The following ATP8B4 variants were observed in gnomAD, a reference collection of about 807,000 sequenced individuals.
The protein encoded by ATP8B4 is probable phospholipid-transporting ATPase IM.
ATP8B4 carries 133 observed loss-of-function variants against 145.6 expected under a neutral mutation model. The ratio of observed to expected loss-of-function variants is 0.91; its 90% CI spans 0.79 to 1.05. ATP8B4 has a LOEUF of 1.05. Ranked by LOEUF, ATP8B4 falls within the 50% of genes least tolerant of loss-of-function variation. The probability of loss-of-function intolerance (pLI) is 0.00; values close to 1 mark genes in which losing one functional copy is unlikely to be tolerated. For synonymous variants in ATP8B4, 507 were observed against 492.9 expected (o/e 1.03, Z -0.38); for missense variants, 1,458 against 1,425.2 (o/e 1.02, Z -0.37).
At chr15:50,037,138 T>A (rs974031417) in intron 6 of ATP8B4, among the ~76,000 whole-genome samples, 31 of 152,218 alleles carry the variant, frequency 2.0e-4, no homozygotes, top group Non-Finnish European at 4.4e-4. Context: ...GTATTTTGAC[T>A]GGTAATTTGA....
At chr15:49,890,873 G>C (rs2036712962) in intron 23 of ATP8B4, among the ~76,000 whole-genome samples, 2 of 152,214 alleles carry the variant, frequency 1.3e-5, no homozygotes, top group African/African-American at 4.8e-5. Flanking sequence ...CCCATGTGGG[G>C]TGTGGCTGGG....
At chr15:50,165,383 G>A (rs1300159573) in intron 1 of ATP8B4, among the ~76,000 whole-genome samples, 1 of 152,108 alleles carries the variant, frequency 6.6e-6, no homozygotes, top group Non-Finnish European at 1.5e-5. Context: ...TTAAAACACA[G>A]TGAGGTACTG....
intron 12 of ATP8B4, among the ~76,000 whole-genome samples, chr15:49,974,176 T>C (rs991487064): frequency 3.4e-5 from 5 of 148,940 alleles, no homozygotes; most frequent in African/African-American, 2.5e-5. Context: ...TCCGCCTCCC[T>C]GGTTCAAGCA....
intron 6 of ATP8B4, among the ~76,000 whole-genome samples, chr15:50,021,020 C>A (rs981027984): frequency 7.2e-5 from 11 of 151,858 alleles, no homozygotes; most frequent in African/African-American, 2.7e-4. Flanking sequence ...ACAAGAATAG[C>A]AAGTTGCTGC....
chr15:50,161,286 C>T (rs1483406609), intron 1 of ATP8B4, among the ~76,000 whole-genome samples: 1 of 151,984 alleles, frequency 6.6e-6, no homozygotes, highest in Non-Finnish European at 1.5e-5. Flanking sequence ...TTCTTGTAAG[C>T]AATAGATCAT....
chr15:50,013,470 A>G (rs1390568197), intron 6 of ATP8B4, among the ~76,000 whole-genome samples: 2 of 152,178 alleles, frequency 1.3e-5, no homozygotes, highest in African/African-American at 2.4e-5. Flanking sequence ...AAGTTATAAG[A>G]TTTTAAAATG....
At chr15:50,167,017 C>T (rs982158660) in intron 1 of ATP8B4, among the ~76,000 whole-genome samples, 4 of 152,152 alleles carry the variant, frequency 2.6e-5, no homozygotes, top group Non-Finnish European at 4.4e-5. Context: ...ATTCCCAGAT[C>T]ACAATTTTAC....
At chr15:50,181,585 C>T (rs1183358713) in intron 1 of ATP8B4, among the ~76,000 whole-genome samples, 1 of 152,210 alleles carries the variant, frequency 6.6e-6, no homozygotes, top group Non-Finnish European at 1.5e-5. Flanking sequence ...CAGGACTCCC[C>T]CGACCAGGCA....
chr15:49,928,701 G>A (rs969005345), intron 16 of ATP8B4, among the ~76,000 whole-genome samples: 4 of 151,966 alleles, frequency 2.6e-5, no homozygotes, highest in Non-Finnish European at 5.9e-5. Context: ...AGGGTACTGG[G>A]AATTAGGAAA....
At chr15:49,919,808 G>A (rs1304369063) in intron 18 of ATP8B4, among the ~76,000 whole-genome samples, 2 of 152,146 alleles carry the variant, frequency 1.3e-5, no homozygotes, top group Non-Finnish European at 2.9e-5. Context: ...AGGTAAGAGT[G>A]GTTTTTAGAA....
chr15:49,986,301 T>A (rs2046592362), intron 10 of ATP8B4, among the ~76,000 whole-genome samples: 1 of 152,156 alleles, frequency 6.6e-6, no homozygotes, highest in South Asian at 2.1e-4. Flanking sequence ...GTATTTCCCA[T>A]CAGAAGACCA....
chr15:49,904,249 C>T (rs1839047175), intron 20 of ATP8B4, among the ~76,000 whole-genome samples: 1 of 152,164 alleles, frequency 6.6e-6, no homozygotes, highest in Admixed American at 6.5e-5. Flanking sequence ...ACCCTGCCAA[C>T]AGTAGAGAAA....
intron 3 of ATP8B4, among the ~76,000 whole-genome samples, chr15:50,055,676 G>A (rs1344142276): frequency 6.6e-6 from 1 of 152,066 alleles, no homozygotes; most frequent in Non-Finnish European, 1.5e-5. Context: ...GTATTTTTAT[G>A]GTACAATCCA....
At chr15:50,162,113 C>T (rs1345373613) in intron 1 of ATP8B4, among the ~76,000 whole-genome samples, 1 of 152,028 alleles carries the variant, frequency 6.6e-6, no homozygotes, top group African/African-American at 2.4e-5. Flanking sequence ...TATAAAGTTT[C>T]CACTGAAAAG....
chr15:49,894,384 T>TAG (rs1161885529), intron 23 of ATP8B4, among the ~76,000 whole-genome samples: 1 of 152,052 alleles, frequency 6.6e-6, no homozygotes, highest in Non-Finnish European at 1.5e-5. Context: ...CGGGGCAAAG[T>TAG]AGAGAGCAGT....
intron 13 of ATP8B4, among the ~76,000 whole-genome samples, chr15:49,963,123 C>T (rs2044228325): frequency 6.6e-6 from 1 of 152,126 alleles, no homozygotes; most frequent in Admixed American, 6.5e-5. Flanking sequence ...TGAACAGACA[C>T]TTCTCAAAAG....
rs146029943 is a variant in ATP8B4, at chr15:49,960,349, T to A, written c.1287+1628A>T. On this transcript the variant is annotated intron_variant, in intron 14 of 27. Transcript: ENST00000284509. ...GCCTTTGTCAATAATTAAAACAGTA[T>A]GATGCTAACATATGCCAGAAAGAAA... Among the ~76,000 whole-genome samples, 528 of 152,230 alleles carry A rather than the reference T, an allele frequency of 3.5e-3. 8 individuals are homozygous for A. Among genetic ancestry groups the A allele is most frequent in the East Asian group, 0.027 (141 of 5,180 alleles).
intron 1 of ATP8B4, among the ~76,000 whole-genome samples, chr15:50,134,332 A>G (rs538440996): frequency 6.6e-6 from 1 of 152,358 alleles, no homozygotes; most frequent in East Asian, 1.9e-4. Flanking sequence ...AAAGGTGGAA[A>G]GAAAGTTGCA....
At chr15:50,162,250 T>C (rs1471901884) in intron 1 of ATP8B4, among the ~76,000 whole-genome samples, 1 of 151,882 alleles carries the variant, frequency 6.6e-6, no homozygotes, top group Non-Finnish European at 1.5e-5. Context: ...TGCCTTGAGG[T>C]AGTCTTCTCT....
Sources: allele counts gnomAD v4.1 joint callset (sites outside exome capture counted in the v4.1 genomes callset), GRCh38; gene constraint gnomAD v4.1.1; transcripts MANE v1.5; gene names NCBI Gene and HGNC (gene_info 2026-07-23, HGNC 2026-07-21).